Variants in RAI1 observed in about 807,000 individuals in gnomAD.
RAI1 encodes the protein retinoic acid-induced protein 1.
RAI1 carries 9 observed loss-of-function variants against 123.8 expected under a neutral mutation model. The observed-to-expected ratio is 0.07, with a 90% CI of 0.04 to 0.13. RAI1 has a LOEUF of 0.13. Among genes scored for constraint, RAI1 ranks in the 10% least tolerant of loss-of-function variants. RAI1 has a pLI of 1.00. For missense variants in RAI1, 2,256 were observed against 2,545.8 expected (o/e 0.89, Z 2.45); for synonymous variants, 1,231 against 1,127.3 (o/e 1.09, Z -1.84).
Position 17,797,629 on chromosome 17 carries a change from C to T in RAI1, c.4681C>T (p.Arg1561Ter), listed in dbSNP as rs750728463. 1 of 1,613,928 alleles carries T rather than the reference C, an allele frequency of 6.2e-7. No individual in the cohort carries two copies. Residue 1561 changes from arginine (R) to a stop codon, truncating the protein, a stop_gained, in exon 3 of 6, where the codon CGA (arginine) becomes TGA (stop). Transcript: ENST00000353383. LOFTEE classifies it high-confidence loss of function. ...CTGTAAGGGGCGTGCCAAGCGACGA[C>T]GACAGCAGCAGGTGCTGCCCCTGGA... ...SPCKGRAKRR[R>*]QQQVLPLDPA...
intron 2 of RAI1, among the ~76,000 whole-genome samples, chr17:17,774,500 G>A (rs2031269384): frequency 6.6e-6 from 1 of 152,254 alleles, no homozygotes; most frequent in African/African-American, 2.4e-5. Context: ...GCCAGCCAGG[G>A]AACACAGACA....
At chr17:17,789,328 G>A (rs143353633) in intron 2 of RAI1, among the ~76,000 whole-genome samples, 6 of 152,324 alleles carry the variant, frequency 3.9e-5, no homozygotes, top group East Asian at 3.9e-4. Context: ...TAATCAAACC[G>A]TTGTTCAAGA....
At position 17,797,315 on chromosome 17, in the gene RAI1, A is replaced by C; in HGVS notation, c.4367A>C (p.His1456Pro). ...KRSRKGRAGAHGLSKGPLEKR... is the reference protein window; with the variant it reads ...KRSRKGRAGAPGLSKGPLEKR... ...AGCCGGAAAGGCCGGGCAGGGGCCC[A>C]TGGACTCTCCAAAGGCCCGCTGGAG... Residue 1456 changes from histidine to proline, a missense_variant, in exon 3 of 6, where the codon CAT (histidine) becomes CCT (proline). Transcript: ENST00000353383. 6.2e-7 allele frequency: 1 copy of C among 1,612,500 alleles called. No homozygotes were observed. Among genetic ancestry groups the C allele is most frequent in the Non-Finnish European group, 8.5e-7 (1 of 1,179,862 alleles).
chr17:17,779,735 T>C (rs1051119858), intron 2 of RAI1, among the ~76,000 whole-genome samples: 6 of 150,318 alleles, frequency 4.0e-5, no homozygotes, highest in Admixed American at 3.3e-4. Flanking sequence ...TCAGTGATGG[T>C]AGGCCCTGGG....
At chr17:17,699,933 G>T (rs1247100634) in intron 1 of RAI1, among the ~76,000 whole-genome samples, 1 of 152,212 alleles carries the variant, frequency 6.6e-6, no homozygotes, top group Non-Finnish European at 1.5e-5. Flanking sequence ...ACTGTGGCTT[G>T]TGGGACCTTG....
At chr17:17,705,892 C>T (rs1244689081) in intron 1 of RAI1, among the ~76,000 whole-genome samples, 8 of 151,818 alleles carry the variant, frequency 5.3e-5, no homozygotes, top group Admixed American at 4.6e-4. Context: ...GGCATGGTGG[C>T]GCGTGCCTGT....
intron 1 of RAI1, among the ~76,000 whole-genome samples, chr17:17,697,337 C>T (rs1423162067): frequency 1.3e-5 from 2 of 152,224 alleles, no homozygotes; most frequent in African/African-American, 2.4e-5. Context: ...CGAGGGGCAG[C>T]GGGTGTGGCA....
At chr17:17,806,887 G>C (rs2032604300) in intron 4 of RAI1, among the ~76,000 whole-genome samples, 1 of 152,204 alleles carries the variant, frequency 6.6e-6, no homozygotes, top group Non-Finnish European at 1.5e-5. Flanking sequence ...ACACCACAAA[G>C]GACCTGGGTG....
In RAI1 at chr17:17,795,928, C is replaced by T. The variant is rs1344593623; in HGVS notation, c.2980C>T (p.Arg994Trp). The T allele has an allele frequency of 6.2e-6, 10 of 1,609,490 alleles. No individual in the cohort carries two copies. The highest frequency in any genetic ancestry group is 3.3e-5 in the Admixed American group (2 of 59,816). Residue 994 changes from arginine to tryptophan, a missense_variant, in exon 3 of 6, where the codon CGG becomes TGG. By Grantham distance (101) the Arg-to-Trp change is moderately radical. This residue lies in a region of RAI1 where 566 missense variants were observed against 616.0 expected (regional missense o/e 0.92). Coordinates refer to ENST00000353383, the MANE Select transcript of RAI1 (RefSeq NM_030665.4). The surrounding 1 kb of genome is among the most constrained non-coding windows in gnomAD (Gnocchi z 5.9). ...APIAKKEPVPRGKSLRSRRVH... is the reference protein window; with the variant it reads ...APIAKKEPVPWGKSLRSRRVH... ...CATCGCAAAGAAAGAGCCTGTGCCA[C>T]GGGGCAAAAGCTTACGGAGCCGTCG...
At chr17:17,708,407 T>TAC (rs1285469078) in intron 1 of RAI1, among the ~76,000 whole-genome samples, 109 of 134,338 alleles carry the variant, frequency 8.1e-4, no homozygotes, top group African/African-American at 3.0e-3. Flanking sequence ...CTCATATATA[T>TAC]ATATACACAC....
In RAI1 at chr17:17,734,665, T is replaced by G. The variant is rs561318657; in HGVS notation, c.-17+10506T>G. 1.1e-4 allele frequency among the ~76,000 whole-genome samples: 17 copies of G among 152,304 alleles called. No homozygotes were observed. The South Asian group carries it at 3.3e-3, about 30-fold the overall frequency. ...GCAGAGGTGTCAGGGACGGACCTGGTGCAGACCAGTGGGCCCACACCTGCT... is the reference window on the plus strand; with the variant it reads ...GCAGAGGTGTCAGGGACGGACCTGGGGCAGACCAGTGGGCCCACACCTGCT... On this transcript the variant is annotated intron_variant, in intron 2 of 5. Coordinates refer to ENST00000353383, the MANE Select transcript of RAI1 (RefSeq NM_030665.4).
At chr17:17,711,846 C>T (rs546039040) in intron 1 of RAI1, among the ~76,000 whole-genome samples, 89 of 152,242 alleles carry the variant, frequency 5.8e-4, no homozygotes, top group Non-Finnish European at 1.2e-3. Flanking sequence ...CATCTGGGGC[C>T]TCCGAGGAGG....
intron 1 of RAI1, among the ~76,000 whole-genome samples, chr17:17,702,857 A>T (rs912431663): frequency 6.6e-6 from 1 of 152,224 alleles, no homozygotes; most frequent in Admixed American, 6.5e-5. Context: ...CTCATCTCCG[A>T]GGTGGCAAAA....
At chr17:17,774,408 G>A (rs2031265328) in intron 2 of RAI1, among the ~76,000 whole-genome samples, 1 of 152,260 alleles carries the variant, frequency 6.6e-6, no homozygotes. Context: ...CCGGAACACA[G>A]GGGCCTTTCT....
rs1249260528 is a variant in RAI1, at chr17:17,795,749, C to G, written c.2801C>G (p.Thr934Ser). The change falls in exon 3 of 6, where the codon ACC becomes AGC. Residue 934 changes from threonine to serine, a missense_variant. By Grantham distance (58) the Thr-to-Ser change is moderately conservative. Around this residue, in one of 7 missense-constraint regions of RAI1, gnomAD observed 566 missense variants for 616.0 expected, o/e 0.92. Coordinates refer to ENST00000353383, the MANE Select transcript of RAI1 (RefSeq NM_030665.4). This position sits in a 1 kb window ranked among gnomAD's most constrained non-coding sequence, Gnocchi z 5.9. The stretch of plus-strand genomic sequence containing the variant: ...ATCCTGCTGGGCCCTACAGTGGGCA[C>G]CGAGTCAAAGGTCCAGAGCTGGTTT... The part of the protein sequence containing the change: ...SVILLGPTVG[T>S]ESKVQSWFES... The G allele has an allele frequency of 1.9e-6, 3 of 1,613,496 alleles. No homozygotes were observed. Among genetic ancestry groups the G allele is most frequent in the South Asian group, 2.2e-5 (2 of 91,088 alleles).
intron 2 of RAI1, among the ~76,000 whole-genome samples, chr17:17,728,313 G>T (rs1306531096): frequency 6.6e-6 from 1 of 152,110 alleles, no homozygotes; most frequent in East Asian, 1.9e-4. Context: ...GGGTGGGGTT[G>T]AGGGAGGCAA....
At chr17:17,802,213 C>G (rs1173943296) in intron 3 of RAI1, 1 of 467,664 alleles carries the variant, frequency 2.1e-6, no homozygotes, top group East Asian at 7.0e-5. Flanking sequence ...AGTTTTGAGA[C>G]TTAGAGGAGG....
chr17:17,705,225 C>T (rs1915356327), intron 1 of RAI1, among the ~76,000 whole-genome samples: 1 of 152,202 alleles, frequency 6.6e-6, no homozygotes, highest in African/African-American at 2.4e-5. Context: ...ATGGAGGAGA[C>T]CCGTCAAAAA....
intron 1 of RAI1, among the ~76,000 whole-genome samples, chr17:17,710,660 A>G (rs1341961405): frequency 6.6e-6 from 1 of 152,174 alleles, no homozygotes; most frequent in African/African-American, 2.4e-5. Flanking sequence ...CCTTGTGGCT[A>G]CCCAAGGACT....
Sources: allele counts gnomAD v4.1 joint callset (sites outside exome capture counted in the v4.1 genomes callset), GRCh38; gene constraint gnomAD v4.1.1; regional missense constraint gnomAD v4.1.1; non-coding constraint Gnocchi (gnomAD v3.1); transcripts MANE v1.5; gene names NCBI Gene and HGNC (gene_info 2026-07-23, HGNC 2026-07-21).